RIMS2: variants seen among roughly 807,000 people sequenced by gnomAD.
RIMS2 encodes regulating synaptic membrane exocytosis protein 2.
Under a neutral mutation model 174.4 loss-of-function variants are expected in RIMS2, and 59 were observed. That is an observed-to-expected ratio of 0.34 (90% CI 0.27 to 0.42). RIMS2 has a LOEUF of 0.42. Among genes scored for constraint, RIMS2 ranks in the 10% least tolerant of loss-of-function variants. The pLI is 1.00. For missense variants in RIMS2, 1,620 were observed against 1,666.3 expected, an observed-to-expected ratio of 0.97 and a Z score of 0.48; for synonymous variants, 606 against 572.5, an observed-to-expected ratio of 1.06 and a Z score of -0.84.
chr8:103,753,426 G>T (rs2097921410), intron 2 of RIMS2, among the ~76,000 whole-genome samples: 1 of 152,160 alleles, frequency 6.6e-6, no homozygotes, highest in African/African-American at 2.4e-5. Flanking sequence ...CCCGGCTTTG[G>T]TATCAGGATG....
intron 19 of RIMS2, among the ~76,000 whole-genome samples, chr8:104,067,076 C>G (rs142855880): frequency 8.6e-5 from 13 of 152,010 alleles, no homozygotes; most frequent in African/African-American, 2.9e-4. Flanking sequence ...TATACTGGTA[C>G]CTTTTTAATC....
chr8:103,672,209 T>C (rs2136381872), intron 1 of RIMS2, among the ~76,000 whole-genome samples: 1 of 152,252 alleles, frequency 6.6e-6, no homozygotes, highest in Admixed American at 6.5e-5. Flanking sequence ...TTCTATTGTT[T>C]TTTTTTTCTT....
intron 1 of RIMS2, among the ~76,000 whole-genome samples, chr8:103,581,070 G>A (rs987882902): frequency 1.4e-4 from 21 of 151,854 alleles, no homozygotes; most frequent in South Asian, 2.1e-4. Flanking sequence ...TGCCCGCCTC[G>A]GCCTCCCAAA....
intron 2 of RIMS2, among the ~76,000 whole-genome samples, chr8:103,729,288 A>G (rs534539562): frequency 6.6e-6 from 1 of 152,088 alleles, no homozygotes; most frequent in African/African-American, 2.4e-5. Flanking sequence ...GGAGTTCTTC[A>G]TGTTTGAATC....
chr8:103,675,158 C>T (rs986436418), intron 1 of RIMS2, among the ~76,000 whole-genome samples: 27 of 152,076 alleles, frequency 1.8e-4, no homozygotes, highest in Non-Finnish European at 7.4e-5. Flanking sequence ...GTGATCTGCC[C>T]GCTTTGGCCT....
At chr8:103,906,330 C>T (rs764983911) in intron 4 of RIMS2, among the ~76,000 whole-genome samples, 93 of 152,208 alleles carry the variant, frequency 6.1e-4, no homozygotes, top group African/African-American at 1.9e-3. Flanking sequence ...CTGCAACCTC[C>T]GCCTTCCGGG....
intron 3 of RIMS2, chr8:103,768,142 G>T: frequency 3.2e-6 from 1 of 312,308 alleles, no homozygotes; most frequent in Non-Finnish European, 6.2e-6. Context: ...CCAAATGGCA[G>T]TTATAATGGT....
intron 1 of RIMS2, among the ~76,000 whole-genome samples, chr8:103,550,290 G>A (rs895976166): frequency 7.2e-5 from 11 of 152,272 alleles, no homozygotes; most frequent in South Asian, 2.1e-4. Flanking sequence ...CTAGAACTCA[G>A]GATTAAGAAA....
intron 1 of RIMS2, among the ~76,000 whole-genome samples, chr8:103,561,696 G>T (rs977947435): frequency 7.9e-5 from 12 of 152,140 alleles, no homozygotes; most frequent in African/African-American, 2.9e-4. Flanking sequence ...GTGAGTTAAT[G>T]CCTACCTGAA....
intron 3 of RIMS2, among the ~76,000 whole-genome samples, chr8:103,867,748 AAAAT>A (rs1378213418): frequency 2.0e-5 from 3 of 152,028 alleles, no homozygotes; most frequent in Non-Finnish European, 2.9e-5. Flanking sequence ...AATTAAATAA[AAAAT>A]AAAATTCCAT....
At chr8:104,113,789 C>G (rs1325387440) in intron 19 of RIMS2, among the ~76,000 whole-genome samples, 15 of 151,564 alleles carry the variant, frequency 9.9e-5, no homozygotes, top group Non-Finnish European at 2.9e-5. Flanking sequence ...GACTGCTGAT[C>G]CCAAATTATG....
chr8:103,516,291 C>T (rs1193247091), intron 1 of RIMS2, among the ~76,000 whole-genome samples: 2 of 151,904 alleles, frequency 1.3e-5, no homozygotes, highest in South Asian at 2.1e-4. Flanking sequence ...AGTACAGGAA[C>T]CAAAATTTGA....
chr8:103,502,641 T>G (rs1335396124), intron 1 of RIMS2, among the ~76,000 whole-genome samples: 3 of 152,134 alleles, frequency 2.0e-5, no homozygotes, highest in African/African-American at 7.2e-5. Flanking sequence ...GCTTAACTTT[T>G]TTTTTGTATA....
intron 19 of RIMS2, among the ~76,000 whole-genome samples, chr8:104,076,559 G>C (rs1025319550): frequency 6.6e-6 from 1 of 152,212 alleles, no homozygotes; most frequent in East Asian, 1.9e-4. Flanking sequence ...CAGAAATTCT[G>C]AAGTCTTGTT....
At chr8:103,761,821 G>A (rs2098116015) in intron 2 of RIMS2, among the ~76,000 whole-genome samples, 1 of 152,144 alleles carries the variant, frequency 6.6e-6, no homozygotes, top group Non-Finnish European at 1.5e-5. Flanking sequence ...ATGGTTAGAG[G>A]TAGAGTCTAG....
intron 19 of RIMS2, chr8:104,094,374 G>A (rs1261172964): frequency 1.4e-5 from 8 of 557,432 alleles, no homozygotes; most frequent in Non-Finnish European, 2.2e-5. Flanking sequence ...CTTATGTTTT[G>A]ATAGTTTTTA....
At chr8:104,114,585 G>A (rs1295033947) in intron 19 of RIMS2, among the ~76,000 whole-genome samples, 1 of 151,882 alleles carries the variant, frequency 6.6e-6, no homozygotes, top group East Asian at 1.9e-4. Flanking sequence ...TTAAATAACA[G>A]TAGTATTTAA....
In RIMS2 at chr8:104,207,147, G is replaced by A. The variant is rs546603064; in HGVS notation, c.3335-37769G>A. Among the ~76,000 whole-genome samples, 27 of 152,182 alleles carry A rather than the reference G, an allele frequency of 1.8e-4. 1 individual carries two copies. Among genetic ancestry groups the A allele is most frequent in the Admixed American group, 1.7e-3 (26 of 15,300 alleles). On this transcript the variant is annotated intron_variant, in intron 19 of 23. Coordinates refer to ENST00000504942, the Ensembl canonical transcript of RIMS2. The stretch of plus-strand genomic sequence containing the variant: ...ATGTCTGCCAAAGACCCAAAAGTAT[G>A]TATGGAGGTTCATAATAATTTGTCT...
intron 3 of RIMS2, among the ~76,000 whole-genome samples, chr8:103,864,862 C>T (rs12678453): frequency 0.011 from 1,746 of 152,158 alleles, 23 homozygotes; most frequent in South Asian, 0.05. Context: ...TCTGTCACAC[C>T]ATTTATTATT....
Sources: allele counts gnomAD v4.1 joint callset (sites outside exome capture counted in the v4.1 genomes callset), GRCh38; gene constraint gnomAD v4.1.1; transcripts MANE v1.5; gene names NCBI Gene and HGNC (gene_info 2026-07-23, HGNC 2026-07-21).